The following RIPOR2 variants were observed in gnomAD, a reference collection of about 807,000 sequenced individuals.
RIPOR2 encodes the protein RHO family interacting cell polarization regulator 2, also known as rho family-interacting cell polarization regulator 2.
RIPOR2 carries 39 observed loss-of-function variants against 114.5 expected under a neutral mutation model. The observed-to-expected ratio is 0.34, with a 90% CI of 0.26 to 0.44. The LOEUF (loss-of-function observed/expected upper bound fraction) is 0.44. Among genes scored for constraint, RIPOR2 ranks in the 20% least tolerant of loss-of-function variants. RIPOR2 has a pLI of 1.00. For synonymous variants in RIPOR2, 445 were observed against 484.4 expected (o/e 0.92, Z 1.07); for missense variants, 1,007 against 1,255.1 (o/e 0.80, Z 2.99).
chr6:24,934,273 A>G (rs1771608592), intron 1 of RIPOR2, among the ~76,000 whole-genome samples: 1 of 152,206 alleles, frequency 6.6e-6, no homozygotes, highest in African/African-American at 2.4e-5. Flanking sequence ...AAACATCTTT[A>G]AGAAGTGAAA....
intron 1 of RIPOR2, chr6:25,023,935 A>G (rs1315733308): frequency 8.4e-5 from 61 of 726,018 alleles, no homozygotes; most frequent in Non-Finnish European, 1.4e-4. Flanking sequence ...GCTGATGTGC[A>G]TGAGGTTCTC....
chr6:24,836,658 C>G (rs1033874541), intron 14 of RIPOR2, among the ~76,000 whole-genome samples: 1 of 152,208 alleles, frequency 6.6e-6, no homozygotes, highest in Non-Finnish European at 1.5e-5. Flanking sequence ...TAGCCTCACA[C>G]TCTCTGGTGT....
At chr6:24,908,560 C>A (rs1039154675) in intron 1 of RIPOR2, among the ~76,000 whole-genome samples, 1 of 152,160 alleles carries the variant, frequency 6.6e-6, no homozygotes, top group African/African-American at 2.4e-5. Flanking sequence ...TAGTTGGTAT[C>A]ACAGTTGGGC....
intron 1 of RIPOR2, among the ~76,000 whole-genome samples, chr6:24,926,234 C>T (rs1458374169): frequency 6.6e-6 from 1 of 152,160 alleles, no homozygotes; most frequent in Non-Finnish European, 1.5e-5. Context: ...ATGGGGGAGG[C>T]AGTGCCTCTG....
chr6:24,875,040 G>A (rs1765581256), intron 2 of RIPOR2, among the ~76,000 whole-genome samples: 1 of 152,156 alleles, frequency 6.6e-6, no homozygotes, highest in African/African-American at 2.4e-5. Context: ...TCCGAGGCCG[G>A]AAGGTGCCTA....
At chr6:25,017,379 C>T (rs1020220465) in intron 1 of RIPOR2, among the ~76,000 whole-genome samples, 1 of 152,196 alleles carries the variant, frequency 6.6e-6, no homozygotes, top group Non-Finnish European at 1.5e-5. Flanking sequence ...CCACAGTCCT[C>T]CCCCATTTTT....
At chr6:24,867,942 G>C (rs1192828382) in intron 6 of RIPOR2, among the ~76,000 whole-genome samples, 1 of 152,194 alleles carries the variant, frequency 6.6e-6, no homozygotes, top group Admixed American at 6.5e-5. Context: ...AACCATGGAT[G>C]CAAGATTGAT....
At chr6:24,898,897 C>T (rs192385327) in intron 1 of RIPOR2, among the ~76,000 whole-genome samples, 2 of 151,912 alleles carry the variant, frequency 1.3e-5, no homozygotes, top group African/African-American at 2.4e-5. Context: ...CTGGTATTCT[C>T]CTTTCAAAAT....
chr6:24,863,742 C>T (rs746213313), intron 7 of RIPOR2, among the ~76,000 whole-genome samples: 21 of 152,172 alleles, frequency 1.4e-4, no homozygotes, highest in Non-Finnish European at 2.6e-4. Context: ...TGATAGAAAT[C>T]ACATATATGT....
At chr6:25,026,939 C>T (rs548294376) in intron 1 of RIPOR2, among the ~76,000 whole-genome samples, 74 of 152,300 alleles carry the variant, frequency 4.9e-4, no homozygotes, top group Non-Finnish European at 4.9e-4. Context: ...TCCCGGGCTC[C>T]TCAGGTGTGA....
At chr6:25,023,679 G>A (rs1164104105) in intron 1 of RIPOR2, 2 of 762,220 alleles carry the variant, frequency 2.6e-6, no homozygotes, top group African/African-American at 1.7e-5. Context: ...CCAGTGAAGC[G>A]GTTCTCCACG....
chr6:24,875,558 A>G lies in RIPOR2; in HGVS notation c.188+133T>C, dbSNP rs1765638719. ...ACTTAATTTTTAGTACATCCTTTCCATGAAAAAGATTAAAATGGGGAGGAG... is the reference window on the plus strand; with the variant it reads ...ACTTAATTTTTAGTACATCCTTTCCGTGAAAAAGATTAAAATGGGGAGGAG... On this transcript the variant is annotated intron_variant, in intron 2 of 21. Coordinates refer to ENST00000643898, the MANE Select transcript of RIPOR2 (RefSeq NM_001286445.3). The G allele has an allele frequency of 7.7e-6, 6 of 779,140 alleles. No individual in the cohort carries two copies. The South Asian group carries it at 1.1e-4, about 14-fold the overall frequency. 48.3% of individuals were successfully genotyped at this position (779,140 alleles called of 1,614,324 possible).
intron 1 of RIPOR2, among the ~76,000 whole-genome samples, chr6:24,920,446 A>G (rs1245949414): frequency 2.6e-5 from 4 of 152,198 alleles, no homozygotes; most frequent in South Asian, 2.1e-4. Context: ...TTCACCTCCA[A>G]GAAGCCAGCC....
At chr6:24,851,568 A>G (rs1388085476) in intron 9 of RIPOR2, among the ~76,000 whole-genome samples, 1 of 152,206 alleles carries the variant, frequency 6.6e-6, no homozygotes, top group Admixed American at 6.5e-5. Flanking sequence ...GTATGAGTAT[A>G]GAGGGTTTTG....
intron 1 of RIPOR2, among the ~76,000 whole-genome samples, chr6:24,947,408 A>C (rs586557): frequency 0.072 from 10,964 of 152,244 alleles, 765 homozygotes; most frequent in African/African-American, 0.18. Flanking sequence ...TGTGTACTAG[A>C]AGGCTCAACC....
intron 1 of RIPOR2, among the ~76,000 whole-genome samples, chr6:24,951,170 A>G (rs1481736972): frequency 6.6e-6 from 1 of 152,200 alleles, no homozygotes; most frequent in Non-Finnish European, 1.5e-5. Context: ...TCACCAGGTC[A>G]CAGGTGTCAG....
At chr6:25,012,646 G>A (rs564524196) in intron 1 of RIPOR2, among the ~76,000 whole-genome samples, 1 of 152,308 alleles carries the variant, frequency 6.6e-6, no homozygotes, top group African/African-American at 2.4e-5. Context: ...ATGATCAGAT[G>A]ATCCTATTTA....
intron 1 of RIPOR2, among the ~76,000 whole-genome samples, chr6:25,025,659 A>G (rs1470117731): frequency 6.6e-6 from 1 of 152,250 alleles, no homozygotes; most frequent in African/African-American, 2.4e-5. Context: ...TGAACTTGAG[A>G]AAACCATACA....
intron 1 of RIPOR2, chr6:25,015,908 T>TTTAAGGAG: frequency 7.2e-6 from 1 of 138,646 alleles, no homozygotes; most frequent in Non-Finnish European, 1.6e-5. Context: ...TTTTTTTTTT[T>TTTAAGGAG]TTTTTTTTTT....
Sources: gnomAD v4.1 joint callset for allele counts (sites outside exome capture counted in the v4.1 genomes callset) on GRCh38, gnomAD v4.1.1 for gene constraint, MANE v1.5 for transcripts, NCBI Gene and HGNC (gene_info 2026-07-23, HGNC 2026-07-21) for gene names.